The following NEK10 variants were observed in gnomAD, a reference collection of about 807,000 sequenced individuals.
NEK10 encodes the protein serine/threonine-protein kinase Nek10.
A neutral mutation model predicts 159.8 loss-of-function variants in NEK10; 122 were observed. The observed-to-expected ratio is 0.76, with a 90% confidence interval of 0.66 to 0.89. The LOEUF (loss-of-function observed/expected upper bound fraction) is 0.89. NEK10 is among the 40% of genes least tolerant of loss of function. The probability of loss-of-function intolerance (pLI) is 0.00; values close to 1 mark genes in which losing one functional copy is unlikely to be tolerated. For missense variants in NEK10, 1,342 were observed against 1,323.1 expected (o/e 1.01, Z -0.22); for synonymous variants, 466 against 457.1 (o/e 1.02, Z -0.25).
At chr3:27,292,585 A>G (rs1314865732) in intron 16 of NEK10, among the ~76,000 whole-genome samples, 1 of 152,014 alleles carries the variant, frequency 6.6e-6, no homozygotes, top group East Asian at 1.9e-4. Context: ...TGTAATCCCA[A>G]CACTTTGGGA....
At chr3:27,314,979 C>A (rs1484511421) in intron 6 of NEK10, among the ~76,000 whole-genome samples, 1 of 152,096 alleles carries the variant, frequency 6.6e-6, no homozygotes, top group African/African-American at 2.4e-5. Context: ...CTTATTAGAC[C>A]CATGCTCTAA....
rs1049741943 is a variant in NEK10 at position 27,148,783 on chromosome 3, C to A, written c.2870-7201G>T. 3.0e-4 allele frequency among the ~76,000 whole-genome samples: 45 copies of A among 152,240 alleles called. No homozygotes were observed. The Middle Eastern group carries it at 0.014, about 46-fold the overall frequency. On this transcript the variant is annotated intron_variant, in intron 30 of 35. Coordinates refer to ENST00000691995, the MANE Select transcript of NEK10 (RefSeq NM_001394966.1). ...TGGGATACCTTTCAACCCTTACTTC[C>A]TTTAGCCTTTCCTCCCAGGCAGAAA...
chr3:27,126,452 T>C (rs1279880481), intron 32 of NEK10, among the ~76,000 whole-genome samples: 1 of 152,180 alleles, frequency 6.6e-6, no homozygotes, highest in African/African-American at 2.4e-5. Context: ...TTTGGCCTAT[T>C]AGATAACCTG....
At chr3:27,263,817 C>T (rs1396703128) in intron 22 of NEK10, among the ~76,000 whole-genome samples, 1 of 152,150 alleles carries the variant, frequency 6.6e-6, no homozygotes, top group African/African-American at 2.4e-5. Context: ...GCACTGCACC[C>T]ACTGTCCTGC....
At chr3:27,179,362 G>A (rs13080907) in intron 26 of NEK10, among the ~76,000 whole-genome samples, 14 of 152,006 alleles carry the variant, frequency 9.2e-5, no homozygotes, top group Admixed American at 2.0e-4. Context: ...TAATTAGAAC[G>A]TCTTAAAAGC....
intron 22 of NEK10, among the ~76,000 whole-genome samples, chr3:27,282,863 T>C (rs1353674981): frequency 6.6e-6 from 1 of 151,432 alleles, no homozygotes; most frequent in Non-Finnish European, 1.5e-5. Flanking sequence ...TCAGGAAATA[T>C]AAGTTCAATT....
chr3:27,141,426 A>C, intron 31 of NEK10, 56 bp downstream of exon 31: 1 of 1,324,346 alleles, frequency 7.6e-7, no homozygotes, highest in Non-Finnish European at 1.1e-6. Flanking sequence ...CTTCAGCAAT[A>C]TTAGCACCAA....
At chr3:27,133,891 T>C (rs574144771) in intron 31 of NEK10, among the ~76,000 whole-genome samples, 1 of 152,336 alleles carries the variant, frequency 6.6e-6, no homozygotes, top group East Asian at 1.9e-4. Context: ...AAATGTTTTG[T>C]AGGTTGGCAG....
Position 27,284,510 on chromosome 3 carries a change from C to A in NEK10, c.2014+92G>T, listed in dbSNP as rs965909667. The A allele has an allele frequency of 8.2e-6, 6 of 732,430 alleles. No individual in the cohort carries two copies. The African/African-American group carries it at 8.7e-5, about 11-fold the overall frequency. The allele number at this position is 732,430 out of a possible 1,614,324, so 45.4% of individuals were successfully genotyped here. ...TTGGACAGCATAGACAAAGAACATT[C>A]CCATGAGTGCCAAAAGTTCTACTGG... is the stretch of plus-strand genomic sequence containing the variant. On this transcript the variant is annotated intron_variant, in intron 22 of 35. Coordinates refer to ENST00000691995, the MANE Select transcript of NEK10 (RefSeq NM_001394966.1).
At chr3:27,333,800 A>G (rs1386680046) in intron 5 of NEK10, among the ~76,000 whole-genome samples, 1 of 151,636 alleles carries the variant, frequency 6.6e-6, no homozygotes, top group Non-Finnish European at 1.5e-5. Context: ...GTGCTGGGAC[A>G]GAGGTGCAAG....
chr3:27,322,064 G>C, intron 6 of NEK10, 113 bp downstream of exon 6: 1 of 614,226 alleles, frequency 1.6e-6, no homozygotes, highest in Non-Finnish European at 2.9e-6. Flanking sequence ...AAGCTATTGA[G>C]TTGTGAGAGA....
intron 1 of NEK10, chr3:27,363,627 T>C (rs62257164): frequency 3.9e-5 from 6 of 152,064 alleles, no homozygotes; most frequent in Non-Finnish European, 4.4e-5. Context: ...TCTCCATAAA[T>C]ACAAGGAAGC....
chr3:27,117,784 C>G (rs971198507), intron 33 of NEK10, among the ~76,000 whole-genome samples: 6 of 152,114 alleles, frequency 3.9e-5, no homozygotes, highest in Non-Finnish European at 7.3e-5. Context: ...TCTGTAAACT[C>G]TGATGATAGT....
At chr3:27,347,502 CAAAAAAAAAA>C (rs35966643) in intron 3 of NEK10, among the ~76,000 whole-genome samples, 4 of 63,414 alleles carry the variant, frequency 6.3e-5, no homozygotes, top group Non-Finnish European at 7.8e-5. Flanking sequence ...AACTCCGTCT[CAAAAAAAAAA>C]AAAAAAAAAA....
At chr3:27,165,809 A>G (rs1306270263) in intron 29 of NEK10, among the ~76,000 whole-genome samples, 1 of 152,220 alleles carries the variant, frequency 6.6e-6, no homozygotes, top group Non-Finnish European at 1.5e-5. Context: ...TTTTTTAAAT[A>G]GACTTTTCGC....
At chr3:27,255,669 A>C (rs1956098661) in intron 23 of NEK10, among the ~76,000 whole-genome samples, 1 of 152,192 alleles carries the variant, frequency 6.6e-6, no homozygotes, top group Non-Finnish European at 1.5e-5. Flanking sequence ...CATAATAATT[A>C]ATGGCTTGCA....
At chr3:27,134,218 G>T (rs950792941) in intron 31 of NEK10, among the ~76,000 whole-genome samples, 1 of 152,168 alleles carries the variant, frequency 6.6e-6, no homozygotes, top group African/African-American at 2.4e-5. Flanking sequence ...AATAGAAACA[G>T]ACATGAAGGT....
At chr3:27,248,440 T>G (rs1483492380) in intron 23 of NEK10, among the ~76,000 whole-genome samples, 1 of 152,142 alleles carries the variant, frequency 6.6e-6, no homozygotes, top group African/African-American at 2.4e-5. Context: ...TTCTCTCAGA[T>G]GCATCATTAG....
chr3:27,171,852 C>T lies in NEK10; in HGVS notation c.2798G>A (p.Ser933Asn), dbSNP rs1679159634. 1.2e-6 allele frequency: 2 copies of T among 1,613,460 alleles called. No homozygotes were observed. The highest frequency in any genetic ancestry group is 2.2e-5 in the South Asian group (2 of 90,964). The stretch of plus-strand genomic sequence containing the variant: ...GGATTGTCTTTCTCCTCCTGAAGCA[C>T]TAAAACTTCTCTTTAAAATGTCTGA... The part of the protein sequence containing the change: ...STFNILKRSF[S>N]ASGGERQSQT... The change falls in exon 29 of 36, where the codon AGT becomes AAT. Residue 933 changes from serine to asparagine, a missense_variant. Physicochemically the swap from Ser to Asn is conservative, Grantham distance 46 (BLOSUM62 1). Coordinates refer to ENST00000691995, the MANE Select transcript of NEK10 (RefSeq NM_001394966.1).
Sources: gnomAD v4.1 joint callset for allele counts (sites outside exome capture counted in the v4.1 genomes callset) on GRCh38, gnomAD v4.1.1 for gene constraint, MANE v1.5 for transcripts, NCBI Gene and HGNC (gene_info 2026-07-23, HGNC 2026-07-21) for gene names.